Variants in GRAMD2B observed in about 807,000 individuals in gnomAD.
The protein encoded by GRAMD2B is GRAM domain containing 2B, also known as GRAM domain-containing protein 2B.
Under a neutral mutation model 59.2 loss-of-function variants are expected in GRAMD2B, and 41 were observed. The observed-to-expected ratio is 0.69, with a 90% CI of 0.54 to 0.90. The LOEUF (loss-of-function observed/expected upper bound fraction) is 0.90. GRAMD2B is among the 40% of genes least tolerant of loss of function. GRAMD2B has a pLI of 0.00. For missense variants in GRAMD2B, 424 were observed against 500.5 expected (o/e 0.85, Z 1.46); for synonymous variants, 161 against 182.7 (o/e 0.88, Z 0.96).
upstream of GRAMD2B, among the ~76,000 whole-genome samples, chr5:126,369,405 C>T (rs1289060109): frequency 1.3e-5 from 2 of 151,308 alleles, no homozygotes; most frequent in South Asian, 2.1e-4. Flanking sequence ...ATTTGGGCAA[C>T]GATTAAATGA....
intron 1 of GRAMD2B, among the ~76,000 whole-genome samples, chr5:126,429,528 C>T (rs1039213315): frequency 1.1e-4 from 16 of 152,122 alleles, no homozygotes; most frequent in Non-Finnish European, 2.4e-4. Flanking sequence ...TACCCCTGAA[C>T]TTCAATGTTA....
intron 1 of GRAMD2B, among the ~76,000 whole-genome samples, chr5:126,393,028 A>G (rs1331854942): frequency 6.6e-6 from 1 of 152,234 alleles, no homozygotes; most frequent in Non-Finnish European, 1.5e-5. Flanking sequence ...ACATAATTAC[A>G]CCGCAGGACT....
intron 1 of GRAMD2B, among the ~76,000 whole-genome samples, chr5:126,449,654 T>G (rs2126667925): frequency 6.6e-6 from 1 of 152,374 alleles, no homozygotes; most frequent in East Asian, 1.9e-4. Flanking sequence ...TTTTTTAAAG[T>G]GACAGTGTCT....
intron 1 of GRAMD2B, among the ~76,000 whole-genome samples, chr5:126,385,986 A>G (rs550472532): frequency 2.9e-4 from 44 of 152,300 alleles, no homozygotes; most frequent in African/African-American, 1.1e-3. Flanking sequence ...GCAGAGAGGG[A>G]GAGAGGGTTG....
intron 1 of GRAMD2B, among the ~76,000 whole-genome samples, chr5:126,416,647 C>G (rs1391073721): frequency 1.3e-5 from 2 of 152,194 alleles, no homozygotes; most frequent in African/African-American, 2.4e-5. Context: ...CTCCTCCTCC[C>G]TTATACTCCA....
At chr5:126,470,640 C>T (rs574399790) in intron 3 of GRAMD2B, among the ~76,000 whole-genome samples, 2 of 152,090 alleles carry the variant, frequency 1.3e-5, no homozygotes, top group East Asian at 3.9e-4. Context: ...CTCACTGCAA[C>T]CTCCACCTCC....
intron 1 of GRAMD2B, among the ~76,000 whole-genome samples, chr5:126,460,555 A>T (rs987344249): frequency 1.3e-5 from 2 of 151,974 alleles, no homozygotes; most frequent in Non-Finnish European, 2.9e-5. Flanking sequence ...GCACTTCCGC[A>T]CTCCATTCTA....
intron 1 of GRAMD2B, among the ~76,000 whole-genome samples, chr5:126,437,999 C>A (rs754377750): frequency 6.6e-6 from 1 of 152,184 alleles, no homozygotes; most frequent in Admixed American, 6.5e-5. Context: ...TCTTCTTTGT[C>A]AATATGGCAT....
rs1375347908 is a variant in GRAMD2B, at chr5:126,452,049, G to C, written c.84-13377G>C. The stretch of plus-strand genomic sequence containing the variant: ...CTTCCTAGACAGCCTGCAGAACTGT[G>C]AACCAATTAAACCTCTTTTCTTTAT... On this transcript the variant is annotated intron_variant, in intron 1 of 13. Coordinates refer to ENST00000285689, the MANE Select transcript of GRAMD2B (RefSeq NM_023927.4). Among the ~76,000 whole-genome samples the C allele has an allele frequency of 2.0e-5, 3 of 152,056 alleles. No individual in the cohort carries two copies. The East Asian group carries it at 5.8e-4, about 29-fold the overall frequency.
chr5:126,484,918 T>G (rs1772612284), intron 10 of GRAMD2B, among the ~76,000 whole-genome samples: 1 of 152,190 alleles, frequency 6.6e-6, no homozygotes, highest in South Asian at 2.1e-4. Flanking sequence ...TGACTGCTTT[T>G]CATATTCCCT....
At chr5:126,429,374 G>T (rs543576704) in intron 1 of GRAMD2B, among the ~76,000 whole-genome samples, 1 of 152,196 alleles carries the variant, frequency 6.6e-6, no homozygotes, top group East Asian at 1.9e-4. Context: ...CACACACTGG[G>T]ATCTATTGGA....
intron 1 of GRAMD2B, among the ~76,000 whole-genome samples, chr5:126,399,427 T>A (rs1017067720): frequency 6.6e-6 from 1 of 152,138 alleles, no homozygotes; most frequent in Non-Finnish European, 1.5e-5. Flanking sequence ...ATGGAGGCAG[T>A]TTCCCCTGTG....
At position 126,475,538 on chromosome 5, in the gene GRAMD2B, GCAAA is replaced by G. The variant is rs1252750629; in HGVS notation, c.487-2151_487-2148del. On this transcript the variant is annotated intron_variant, in intron 5 of 13. Coordinates refer to ENST00000285689, the MANE Select transcript of GRAMD2B (RefSeq NM_023927.4). Reference sequence around the variant, plus strand: ...AAAATGTTGTGAGTAGAGTTCTTTGGCAAACAGTTTTTAGAAAATGTCTTGATTG... The same window carrying G: ...AAAATGTTGTGAGTAGAGTTCTTTGGCAGTTTTTAGAAAATGTCTTGATTG... 2.0e-5 allele frequency among the ~76,000 whole-genome samples: 3 copies of G among 152,122 alleles called. No individual in the cohort carries two copies. In the East Asian group the frequency reaches 5.8e-4, roughly 29 times the overall value.
chr5:126,434,934 A>G (rs552154143), intron 1 of GRAMD2B, among the ~76,000 whole-genome samples: 165 of 152,346 alleles, frequency 1.1e-3, no homozygotes, highest in African/African-American at 3.8e-3. Context: ...ATGGACAAGC[A>G]TATTCTCCTG....
chr5:126,444,556 A>G (rs986412629), intron 1 of GRAMD2B, among the ~76,000 whole-genome samples: 5 of 152,170 alleles, frequency 3.3e-5, no homozygotes, highest in Non-Finnish European at 5.9e-5. Flanking sequence ...TGATTTTTGT[A>G]CCTAGAATTC....
intron 1 of GRAMD2B, among the ~76,000 whole-genome samples, chr5:126,460,162 A>T (rs536033302): frequency 1.3e-5 from 2 of 152,342 alleles, no homozygotes; most frequent in African/African-American, 4.8e-5. Context: ...GCAGAATAGC[A>T]TGCTGTCTAT....
chr5:126,404,314 G>T (rs1758083185), intron 1 of GRAMD2B, among the ~76,000 whole-genome samples: 1 of 151,820 alleles, frequency 6.6e-6, no homozygotes, highest in African/African-American at 2.4e-5. Context: ...GGAGTTAAAA[G>T]TACCAGTGTC....
chr5:126,360,959 T>C (rs1159513131), intron 1 of GRAMD2B, among the ~76,000 whole-genome samples: 1 of 152,170 alleles, frequency 6.6e-6, no homozygotes, highest in African/African-American at 2.4e-5. Flanking sequence ...AAAGGTAGGT[T>C]TGGGTTTGGG....
chr5:126,462,373 T>C, intron 1 of GRAMD2B: 1 of 983,216 alleles, frequency 1.0e-6, no homozygotes, highest in Non-Finnish European at 1.2e-6. Flanking sequence ...CGCTGCTCAC[T>C]CAAACACACG....
Sources: allele counts gnomAD v4.1 joint callset (sites outside exome capture counted in the v4.1 genomes callset), GRCh38; gene constraint gnomAD v4.1.1; transcripts MANE v1.5; gene names NCBI Gene and HGNC (gene_info 2026-07-23, HGNC 2026-07-21).